Variants in AMPD2 observed in about 807,000 individuals in gnomAD.
AMPD2 encodes the protein adenosine monophosphate deaminase 2.
AMPD2 carries 52 observed loss-of-function variants against 91.3 expected under a neutral mutation model. The ratio of observed to expected loss-of-function variants is 0.57; its 90% CI spans 0.46 to 0.72. The LOEUF is 0.72. AMPD2 is among the 30% of genes least tolerant of loss of function. The pLI, the probability that AMPD2 is intolerant of heterozygous loss-of-function variation, is 0.00. For missense variants in AMPD2, 822 were observed against 1,122.3 expected (o/e 0.73, Z 3.82); for synonymous variants, 455 against 456.4 (o/e 1.00, Z 0.04).
In AMPD2 at chr1:109,628,841, G is replaced by C. The variant is rs1642073255; in HGVS notation, c.1571+35G>C. Reference sequence around the variant, plus strand: ...CCTGGAGTGGGAGGGGAACCTGCGGGGTCATATTCAAGGGGTCAGGGCCTG... The same window carrying C: ...CCTGGAGTGGGAGGGGAACCTGCGGCGTCATATTCAAGGGGTCAGGGCCTG... On this transcript the variant is annotated intron_variant, in intron 13 of 18. Coordinates refer to ENST00000528667, the MANE Select transcript of AMPD2 (RefSeq NM_001368809.2). This position sits in a 1 kb window ranked among gnomAD's most constrained non-coding sequence, Gnocchi z 7.1. The C allele has an allele frequency of 6.5e-7, 1 of 1,540,868 alleles. No individual in the cohort carries two copies. Among genetic ancestry groups the C allele is most frequent in the Non-Finnish European group, 8.8e-7 (1 of 1,140,294 alleles).
At position 109,630,674 on chromosome 1, in the gene AMPD2, C is replaced by T; in HGVS notation, c.2158-9C>T. 1 of 1,606,444 alleles carries T rather than the reference C, an allele frequency of 6.2e-7. No individual in the cohort carries two copies. Among genetic ancestry groups the T allele is most frequent in the East Asian group, 2.2e-5 (1 of 44,552 alleles). On this transcript the variant is annotated splice_polypyrimidine_tract_variant and intron_variant, in intron 17 of 18. Transcript: ENST00000528667. Reference sequence around the variant, plus strand: ...GGCGCACTCGTCTGAGGGAACCTGGCCCGTGCAGGAGCCGCTGATGGAGGA... The same window carrying T: ...GGCGCACTCGTCTGAGGGAACCTGGTCCGTGCAGGAGCCGCTGATGGAGGA...
intron 2 of AMPD2, chr1:109,622,068 T>C (rs768497816): frequency 1.0e-5 from 4 of 383,776 alleles, no homozygotes; most frequent in Non-Finnish European, 2.1e-5. Flanking sequence ...GCCTTGTGGC[T>C]AAGGAAAGAC....
Position 109,631,489 on chromosome 1 carries a change from G to A in AMPD2, c.*337G>A, listed in dbSNP as rs1651266355. ...TGGTTGTGGGGGGCTGGCCCCTCTA[G>A]CCTTTCCGGTCCTTCCTGGGCAAAT... On this transcript the variant is annotated 3_prime_UTR_variant, in exon 19 of 19. Coordinates refer to ENST00000528667, the MANE Select transcript of AMPD2 (RefSeq NM_001368809.2). 2 of 412,910 alleles carry A rather than the reference G, an allele frequency of 4.8e-6. No individual in the cohort carries two copies. Among genetic ancestry groups the A allele is most frequent in the East Asian group, 5.2e-5 (1 of 19,276 alleles). 25.6% of individuals were successfully genotyped at this position (412,910 alleles called of 1,614,324 possible).
Position 109,620,014 on chromosome 1 carries a change from G to A in AMPD2, c.-527G>A. On this transcript the variant is annotated 5_prime_UTR_variant, in exon 1 of 19. Coordinates refer to ENST00000528667, the MANE Select transcript of AMPD2 (RefSeq NM_001368809.2). ...GGAGCACGTGGCCTACCAGCCTCTC[G>A]ATTGCAGGGTTGGGTGGTCGCGACA... 1 of 535,604 alleles carries A rather than the reference G, an allele frequency of 1.9e-6. No homozygotes were observed. Among genetic ancestry groups the A allele is most frequent in the South Asian group, 2.0e-5 (1 of 50,102 alleles). 33.2% of individuals were successfully genotyped at this position (535,604 alleles called of 1,614,324 possible). A position where few individuals can be genotyped will look rare whatever the true frequency, so the allele number is the denominator to read the frequency against.
In AMPD2 at chr1:109,629,139, C is replaced by T. The variant is rs1650979460; in HGVS notation, c.1602C>T (p.Ala534=). 4 of 1,613,904 alleles carry T rather than the reference C, an allele frequency of 2.5e-6. No homozygotes were observed. The highest frequency in any genetic ancestry group is 2.5e-6 in the Non-Finnish European group (3 of 1,180,016). Residue 534 remains alanine (A), a synonymous_variant, in exon 14 of 19, where the codon GCC becomes GCT. Transcript: ENST00000528667. ...TGTACCGTACCAAGGGCCAGCTGGC[C>T]AACTTCCAGGAGATGCTGGAGAACA... ...FDVYRTKGQL[A]NFQEMLENIF... is the part of the protein sequence containing the mutation.
Position 109,628,675 on chromosome 1 carries a change from C to T in AMPD2, c.1440C>T (p.Tyr480=). ...TGTCAGACCTGGAGGAGAGCAAATA[C>T]CAGAATGCAGAGCTGCGGCTCTCCA... is the stretch of plus-strand genomic sequence containing the variant. ...EVMSDLEESK[Y]QNAELRLSIY... is the part of the protein sequence containing the mutation. The change falls in exon 13 of 19, where the codon TAC becomes TAT. Residue 480 remains tyrosine (Y), a synonymous_variant. Coordinates refer to ENST00000528667, the MANE Select transcript of AMPD2 (RefSeq NM_001368809.2). This position sits in a 1 kb window ranked among gnomAD's most constrained non-coding sequence, Gnocchi z 7.1. 1 of 1,613,952 alleles carries T rather than the reference C, an allele frequency of 6.2e-7. No individual in the cohort carries two copies. Among genetic ancestry groups the T allele is most frequent in the South Asian group, 1.1e-5 (1 of 91,066 alleles).
chr1:109,625,568 C>CT lies in AMPD2; in HGVS notation c.223-93dup, dbSNP rs2101154145. 2 of 1,596,210 alleles carry CT rather than the reference C, an allele frequency of 1.3e-6. No homozygotes were observed. Among genetic ancestry groups the CT allele is most frequent in the East Asian group, 2.2e-5 (1 of 44,544 alleles). ...GATCCTCAGCCTCTCCCAGGTACCCCTGGTCCTGCTGCCCTCACCCCATCC... is the reference window on the plus strand; with the variant it reads ...GATCCTCAGCCTCTCCCAGGTACCCCTTGGTCCTGCTGCCCTCACCCCATCC... On this transcript the variant is annotated intron_variant, in intron 3 of 18. Coordinates refer to ENST00000528667, the MANE Select transcript of AMPD2 (RefSeq NM_001368809.2). The surrounding 1 kb of genome is among the most constrained non-coding windows in gnomAD (Gnocchi z 4.0).
chr1:109,630,173 C>T lies in AMPD2; in HGVS notation c.1984-60C>T, dbSNP rs1388553863. On this transcript the variant is annotated intron_variant, in intron 16 of 18. Transcript: ENST00000528667. ...GCTGTGGCCTGGACCCCCAGAACCACTGTGCCCTGCCCAGCCTCGGGGCCA... is the reference window on the plus strand; with the variant it reads ...GCTGTGGCCTGGACCCCCAGAACCATTGTGCCCTGCCCAGCCTCGGGGCCA... The T allele has an allele frequency of 1.9e-6, 3 of 1,584,604 alleles. No homozygotes were observed. The African/African-American group carries it at 4.0e-5, about 21-fold the overall frequency.
rs371970036 is a variant in AMPD2 at position 109,628,414 on chromosome 1, T to C, written c.1326T>C (p.Pro442=). ...ACAAGTTTAATGCCAAATACAACCC[T>C]ATTGGGGAGTCCGTCCTCCGAGAGA... ...RFDKFNAKYN[P]IGESVLREIF... Residue 442 remains proline (P), a synonymous_variant, in exon 12 of 19, where the codon CCT becomes CCC. Coordinates refer to ENST00000528667, the MANE Select transcript of AMPD2 (RefSeq NM_001368809.2). This position sits in a 1 kb window ranked among gnomAD's most constrained non-coding sequence, Gnocchi z 7.1. 505 of 1,613,814 alleles carry C rather than the reference T, an allele frequency of 3.1e-4. No individual in the cohort carries two copies. The highest frequency in any genetic ancestry group is 4.1e-4 in the Non-Finnish European group (481 of 1,180,000).
At position 109,620,270 on chromosome 1, in the gene AMPD2, T is replaced by C. The variant is rs1434187606; in HGVS notation, c.-271T>C. ...GCCTCCCCTCGGAACTCGGGCATCA[T>C]GGCCTCAGGTGAGTGTGTGTACGTG... is the stretch of plus-strand genomic sequence containing the variant. On this transcript the variant is annotated 5_prime_UTR_variant, in exon 1 of 19. An upstream start codon of the reference 5' UTR is lost. Transcript: ENST00000528667. 5.0e-6 allele frequency: 8 copies of C among 1,614,030 alleles called. No individual in the cohort carries two copies. Among genetic ancestry groups the C allele is most frequent in the Non-Finnish European group, 6.8e-6 (8 of 1,179,928 alleles).
In AMPD2 at chr1:109,625,647, C is replaced by T; in HGVS notation, c.223-15C>T. On this transcript the variant is annotated splice_polypyrimidine_tract_variant and intron_variant, in intron 3 of 18. Transcript: ENST00000528667. This position sits in a 1 kb window ranked among gnomAD's most constrained non-coding sequence, Gnocchi z 4.0. The stretch of plus-strand genomic sequence containing the variant: ...CGGAGGGCCAGCCATGCTGACCTTC[C>T]TTCCCTCCCCCCAGGAGCTGTTCAC... 6.2e-7 allele frequency: 1 copy of T among 1,612,184 alleles called. No individual in the cohort carries two copies. The highest frequency in any genetic ancestry group is 8.5e-7 in the Non-Finnish European group (1 of 1,178,514).
intron 1 of AMPD2, 134 bp downstream of exon 1, chr1:109,620,412 TG>T: frequency 7.1e-7 from 1 of 1,416,826 alleles, no homozygotes; most frequent in Non-Finnish European, 9.7e-7. Flanking sequence ...CAGGAGGGCC[TG>T]GGGAGCAGAG....
rs151145996 is a variant in AMPD2, at chr1:109,624,717, G to C, written c.92-586G>C. Among the ~76,000 whole-genome samples the C allele has an allele frequency of 1.3e-5, 2 of 152,184 alleles. No individual in the cohort carries two copies. Among genetic ancestry groups the C allele is most frequent in the South Asian group, 4.1e-4 (2 of 4,828 alleles). ...TCCTCTCCTCTTCCCTTGAGGGCTC[G>C]TCCCTAGGTCAGAGCTGAGCAGCAG... On this transcript the variant is annotated intron_variant, in intron 2 of 18. Transcript: ENST00000528667. The surrounding 1 kb of genome is among the most constrained non-coding windows in gnomAD (Gnocchi z 5.2).
rs1650867037 is a variant in AMPD2 at position 109,628,083 on chromosome 1, G to A, written c.1081G>A (p.Val361Met). 6.2e-6 allele frequency: 10 copies of A among 1,612,856 alleles called. No homozygotes were observed. The highest frequency in any genetic ancestry group is 6.8e-6 in the Non-Finnish European group (8 of 1,179,284). Residue 361 changes from valine to methionine, a missense_variant and splice_region_variant, in exon 11 of 19, where the codon GTG (valine) becomes ATG (methionine). Physicochemically the swap from Val to Met is conservative, Grantham distance 21. Transcript: ENST00000528667. The surrounding 1 kb of genome is among the most constrained non-coding windows in gnomAD (Gnocchi z 7.1). ...TCAGCAGTGCCCTGTTCCATTCCAG[G>A]TGGACACCCACATCCATGCCTCGTC... ...PHRDFYNIRKVDTHIHASSCM... is the reference protein window; with the variant it reads ...PHRDFYNIRKMDTHIHASSCM...
At chr1:109,620,326 G>A (rs377555609) in intron 1 of AMPD2, 48 bp downstream of exon 1, 8 of 1,610,928 alleles carry the variant, frequency 5.0e-6, no homozygotes, top group African/African-American at 1.3e-5. Flanking sequence ...GGACAGAGAA[G>A]TGCTGTGGCC....
At chr1:109,623,653 G>A (rs1557928569) in intron 2 of AMPD2, among the ~76,000 whole-genome samples, 1 of 152,196 alleles carries the variant, frequency 6.6e-6, no homozygotes, top group Non-Finnish European at 1.5e-5. Context: ...GTGTGATGAA[G>A]AGCGCTGTTC....
chr1:109,622,685 G>T lies in AMPD2; in HGVS notation c.91+1419G>T, dbSNP rs371581934. Among the ~76,000 whole-genome samples, 24 of 152,236 alleles carry T rather than the reference G, an allele frequency of 1.6e-4. No homozygotes were observed. The South Asian group carries it at 3.5e-3, about 22-fold the overall frequency. On this transcript the variant is annotated intron_variant, in intron 2 of 18. Coordinates refer to ENST00000528667, the MANE Select transcript of AMPD2 (RefSeq NM_001368809.2). ...CCCTGGAGAGTGGTCTGGCAGGCTGGGGGGATGGCACTGGCTGTTGGAATC... is the reference window on the plus strand; with the variant it reads ...CCCTGGAGAGTGGTCTGGCAGGCTGTGGGGATGGCACTGGCTGTTGGAATC...
rs774119175 is a variant in AMPD2, at chr1:109,631,180, C to T, written c.*28C>T. ...CTGGTCCATGAAGTGCCCACCACATCGCAGCACTTTTACCACGTTTTGTCC... is the reference window on the plus strand; with the variant it reads ...CTGGTCCATGAAGTGCCCACCACATTGCAGCACTTTTACCACGTTTTGTCC... On this transcript the variant is annotated 3_prime_UTR_variant, in exon 19 of 19. Coordinates refer to ENST00000528667, the MANE Select transcript of AMPD2 (RefSeq NM_001368809.2). 3.1e-5 allele frequency: 48 copies of T among 1,551,582 alleles called. No individual in the cohort carries two copies. Among genetic ancestry groups the T allele is most frequent in the South Asian group, 5.9e-5 (5 of 84,612 alleles).
Position 109,619,980 on chromosome 1 carries a change from G to T in AMPD2, c.-561G>T, listed in dbSNP as rs1375731609. The T allele has an allele frequency of 4.2e-6, 2 of 477,544 alleles. No individual in the cohort carries two copies. The highest frequency in any genetic ancestry group is 7.7e-6 in the Non-Finnish European group (2 of 258,852). The allele number at this position is 477,544 out of a possible 1,614,324, so 29.6% of individuals were successfully genotyped here. A position where few individuals can be genotyped will look rare whatever the true frequency, so the allele number is the denominator to read the frequency against. ...GAAATCTGGACGAGTTTCGGGTCCC[G>T]CTCCCTTGGGAGCACGTGGCCTACC... On this transcript the variant is annotated 5_prime_UTR_variant, in exon 1 of 19. Coordinates refer to ENST00000528667, the MANE Select transcript of AMPD2 (RefSeq NM_001368809.2).
Sources: allele counts gnomAD v4.1 joint callset (sites outside exome capture counted in the v4.1 genomes callset), GRCh38; gene constraint gnomAD v4.1.1; non-coding constraint Gnocchi (gnomAD v3.1); transcripts MANE v1.5; gene names NCBI Gene and HGNC (gene_info 2026-07-23, HGNC 2026-07-21).